Variants in METTL6 observed in about 807,000 individuals in gnomAD.
The protein encoded by METTL6 is tRNA N(3)-cytidine methyltransferase METTL6.
METTL6 carries 22 observed loss-of-function variants against 26.4 expected under a neutral mutation model. The ratio of observed to expected loss-of-function variants is 0.83; its 90% confidence interval spans 0.59 to 1.19. The LOEUF (loss-of-function observed/expected upper bound fraction) is 1.19, where lower values mean the gene tolerates loss of function less well. METTL6 is among the 50% of genes most tolerant of loss of function. The pLI, the probability that METTL6 is intolerant of heterozygous loss-of-function variation, is 0.00. For synonymous variants in METTL6, 109 were observed against 116.2 expected (o/e 0.94, Z 0.40); for missense variants, 304 against 324.8 (o/e 0.94, Z 0.49).
chr3:15,407,610 T>C (rs1429265111), downstream of METTL6, among the ~76,000 whole-genome samples: 2 of 152,096 alleles, frequency 1.3e-5, no homozygotes, highest in Non-Finnish European at 2.9e-5. Context: ...TAGATTCACA[T>C]CAAACCCTCC....
intron 6 of METTL6, among the ~76,000 whole-genome samples, chr3:15,400,707 C>G (rs1248766946): frequency 6.6e-6 from 1 of 152,076 alleles, no homozygotes; most frequent in Non-Finnish European, 1.5e-5. Flanking sequence ...AGGGTCATTA[C>G]AGAAAACATG....
At chr3:15,398,919 GAGATAGGTCAGC>G (rs1699563436) in intron 6 of METTL6, among the ~76,000 whole-genome samples, 1 of 152,156 alleles carries the variant, frequency 6.6e-6, no homozygotes, top group Admixed American at 6.5e-5. Context: ...GTCACAGGAT[GAGATAGGTCAGC>G]ACAATGTACA....
chr3:15,425,093 G>T lies in METTL6; in HGVS notation c.226-4C>A, dbSNP rs2061688362. On this transcript the variant is annotated splice_region_variant and splice_polypyrimidine_tract_variant and intron_variant, in intron 2 of 5. Transcript: ENST00000383790. Reference sequence around the variant, plus strand: ...TTGTTAACTTTTGATCTTCAAACTGGGGAAAGACAGCTCAAAGTTATAGTA... The same window carrying T: ...TTGTTAACTTTTGATCTTCAAACTGTGGAAAGACAGCTCAAAGTTATAGTA... The T allele has an allele frequency of 3.1e-6, 5 of 1,613,666 alleles. No individual in the cohort carries two copies. Among genetic ancestry groups the T allele is most frequent in the Non-Finnish European group, 4.2e-6 (5 of 1,179,944 alleles).
chr3:15,385,610 G>A (rs2344675), intron 6 of METTL6, among the ~76,000 whole-genome samples: 117,593 of 151,882 alleles, frequency 0.77, 45,758 homozygotes, highest in East Asian at 0.94. Context: ...ACAAACAAAC[G>A]AACGAACAAA....
At chr3:15,392,752 G>A (rs1699384160) in intron 6 of METTL6, among the ~76,000 whole-genome samples, 1 of 152,098 alleles carries the variant, frequency 6.6e-6, no homozygotes, top group Admixed American at 6.6e-5. Flanking sequence ...ATTAAATAGG[G>A]AATCCTTATC....
At chr3:15,387,053 C>T (rs1188126313) in intron 6 of METTL6, among the ~76,000 whole-genome samples, 1 of 152,182 alleles carries the variant, frequency 6.6e-6, no homozygotes, top group East Asian at 1.9e-4. Context: ...CTGCCTCAGC[C>T]TCCCAAAGTG....
intron 6 of METTL6, among the ~76,000 whole-genome samples, chr3:15,387,409 A>G (rs895716650): frequency 2.0e-5 from 3 of 152,166 alleles, no homozygotes; most frequent in African/African-American, 7.2e-5. Context: ...CCAACCTCCT[A>G]TCTCATCCTG....
chr3:15,424,380 C>T (rs555200975), intron 3 of METTL6, among the ~76,000 whole-genome samples: 38 of 152,326 alleles, frequency 2.5e-4, no homozygotes, highest in African/African-American at 8.7e-4. Context: ...GATCTTCCCA[C>T]CTCAGCCTCC....
At position 15,416,025 on chromosome 3, in the gene METTL6, C is replaced by T. The variant is rs372971719; in HGVS notation, c.361-83G>A. 1.1e-5 allele frequency: 13 copies of T among 1,210,292 alleles called. No homozygotes were observed. In the East Asian group the frequency reaches 2.9e-4, roughly 27 times the overall value. 75.0% of individuals were successfully genotyped at this position (1,210,292 alleles called of 1,614,324 possible). A position where few individuals can be genotyped will look rare whatever the true frequency, so the allele number is the denominator to read the frequency against. On this transcript the variant is annotated intron_variant, in intron 3 of 5. Coordinates refer to ENST00000383790, the MANE Select transcript of METTL6 (RefSeq NM_152396.4). ...GAAAAATACAACATCAAAAGGCGATCCAATTTCCACTTGTATACATAGAAA... is the reference window on the plus strand; with the variant it reads ...GAAAAATACAACATCAAAAGGCGATTCAATTTCCACTTGTATACATAGAAA...
chr3:15,397,422 C>T (rs955258272), intron 6 of METTL6, among the ~76,000 whole-genome samples: 1 of 152,158 alleles, frequency 6.6e-6, no homozygotes, highest in Admixed American at 6.5e-5. Context: ...CCCCTGACCC[C>T]TTGTGCTTCC....
At chr3:15,419,196 G>A (rs750441495) in intron 3 of METTL6, among the ~76,000 whole-genome samples, 2 of 138,228 alleles carry the variant, frequency 1.4e-5, no homozygotes, top group Non-Finnish European at 1.6e-5. Context: ...AAAAAAAAAA[G>A]AGATACTGTA....
chr3:15,424,463 C>T (rs1005587390), intron 3 of METTL6, among the ~76,000 whole-genome samples: 1 of 152,172 alleles, frequency 6.6e-6, no homozygotes, highest in African/African-American at 2.4e-5. Flanking sequence ...GACAAGGTTT[C>T]ACCATGTTGC....
At chr3:15,414,940 G>T in intron 4 of METTL6, 1 of 1,137,476 alleles carries the variant, frequency 8.8e-7, no homozygotes, top group Non-Finnish European at 1.1e-6. Context: ...ATAAATAAGT[G>T]TTAGAGACAA....
At chr3:15,384,387 A>G in intron 6 of METTL6, 1 of 176,874 alleles carries the variant, frequency 5.7e-6, no homozygotes, top group South Asian at 1.0e-4. Flanking sequence ...GATAGAGACC[A>G]AAACAGGAAA....
rs71632851 is a variant in METTL6 at position 15,388,089 on chromosome 3, T to TTTGTTG, written c.*12-3908_*12-3903dup. 1.1e-3 allele frequency among the ~76,000 whole-genome samples: 167 copies of TTTGTTG among 150,502 alleles called. 1 individual carries two copies. The highest frequency in any genetic ancestry group is 0.01 in the Middle Eastern group (3 of 294). The stretch of plus-strand genomic sequence containing the variant: ...TCCCTCAGTATTTGGAAATAAGAGT[T>TTTGTTG]TTGTTGTTGTTGTTGTTGTTGTTGT... On this transcript the variant is annotated intron_variant, in intron 6 of 6. Coordinates refer to the METTL6 transcript ENST00000443029.
At chr3:15,405,454 A>G (rs1338324146), downstream of METTL6, among the ~76,000 whole-genome samples, 1 of 152,238 alleles carries the variant, frequency 6.6e-6, no homozygotes, top group Non-Finnish European at 1.5e-5. Context: ...TGACAATTAA[A>G]AAATGGACAC....
chr3:15,427,182 T>A (rs1446454112), intron 1 of METTL6, among the ~76,000 whole-genome samples: 2 of 152,160 alleles, frequency 1.3e-5, no homozygotes, highest in Non-Finnish European at 1.5e-5. Context: ...CGCACCGCCA[T>A]CACCGGGCAA....
downstream of METTL6, among the ~76,000 whole-genome samples, chr3:15,409,218 A>T (rs140346495): frequency 5.6e-4 from 86 of 152,274 alleles, no homozygotes; most frequent in African/African-American, 2.0e-3. Context: ...ACTATTATCC[A>T]ACCCCTTCAC....
At chr3:15,416,739 G>T (rs966213488) in intron 3 of METTL6, among the ~76,000 whole-genome samples, 2 of 152,100 alleles carry the variant, frequency 1.3e-5, no homozygotes, top group African/African-American at 2.4e-5. Flanking sequence ...GTACATTTTG[G>T]TTGGTAGGCT....
Sources: allele counts gnomAD v4.1 joint callset (sites outside exome capture counted in the v4.1 genomes callset), GRCh38; gene constraint gnomAD v4.1.1; transcripts MANE v1.5; gene names NCBI Gene and HGNC (gene_info 2026-07-23, HGNC 2026-07-21).